The following UBE2H variants were observed in gnomAD, a reference collection of about 807,000 sequenced individuals.
The protein encoded by UBE2H is ubiquitin conjugating enzyme E2 H.
In UBE2H, 3 loss-of-function variants were observed where a neutral mutation model predicts 29.0. The observed-to-expected ratio is 0.10, with a 90% CI of 0.05 to 0.27. The LOEUF is 0.27. Among genes scored for constraint, UBE2H ranks in the 10% least tolerant of loss-of-function variants. The pLI is 1.00. For synonymous variants in UBE2H, 69 were observed against 82.9 expected, an observed-to-expected ratio of 0.83 and a Z score of 0.91; for missense variants, 68 against 228.2, an observed-to-expected ratio of 0.30 and a Z score of 4.52.
intron 1 of UBE2H, among the ~76,000 whole-genome samples, chr7:129,921,484 G>C (rs979282014): frequency 1.3e-5 from 2 of 152,000 alleles, no homozygotes; most frequent in Admixed American, 1.3e-4. Context: ...GATGACTTGA[G>C]GTCAGGCGTT....
intron 1 of UBE2H, among the ~76,000 whole-genome samples, chr7:129,919,949 T>C (rs1464889600): frequency 2.6e-5 from 4 of 152,214 alleles, no homozygotes; most frequent in South Asian, 4.1e-4. Context: ...CATATGTTGC[T>C]GATGGGAATG....
intron 1 of UBE2H, among the ~76,000 whole-genome samples, chr7:129,896,588 A>G (rs1806606533): frequency 6.6e-6 from 1 of 151,930 alleles, no homozygotes; most frequent in African/African-American, 2.4e-5. Flanking sequence ...TATTTTTTGT[A>G]TAGATGAGGT....
In UBE2H at chr7:129,832,758, T is replaced by TC. The variant is rs1805253207; in HGVS notation, c.*2178_*2179insG. On this transcript the variant is annotated 3_prime_UTR_variant, in exon 7 of 7. Transcript: ENST00000355621. ...AATTCTTAACTGGTCATTATTTTTT[T>TC]TTAAGGTAATTAGAACACTATTGTT... 1 of 152,168 alleles carries TC rather than the reference T, an allele frequency of 6.6e-6. No individual in the cohort carries two copies. Among genetic ancestry groups the TC allele is most frequent in the Admixed American group, 6.5e-5 (1 of 15,268 alleles). 9.4% of individuals were successfully genotyped at this position (152,168 alleles called of 1,614,324 possible). A position where few individuals can be genotyped will look rare whatever the true frequency, so the allele number is the denominator to read the frequency against.
At chr7:129,848,164 G>A (rs1210894764) in intron 5 of UBE2H, among the ~76,000 whole-genome samples, 2 of 152,046 alleles carry the variant, frequency 1.3e-5, no homozygotes, top group African/African-American at 2.4e-5. Context: ...TGGAGGCTGC[G>A]GTAAGCCAAG....
chr7:129,914,349 T>TAGA (rs1471101982), intron 1 of UBE2H, among the ~76,000 whole-genome samples: 1 of 151,988 alleles, frequency 6.6e-6, no homozygotes, highest in Middle Eastern at 3.2e-3. Flanking sequence ...TGTATTTTAG[T>TAGA]AGAGATGGGG....
intron 1 of UBE2H, among the ~76,000 whole-genome samples, chr7:129,930,286 G>T (rs1020076468): frequency 6.6e-5 from 10 of 151,878 alleles, no homozygotes; most frequent in African/African-American, 2.4e-5. Flanking sequence ...CTCAGCCTCC[G>T]GAGTAGCTGG....
At chr7:129,904,150 T>G (rs1245418702) in intron 1 of UBE2H, among the ~76,000 whole-genome samples, 1 of 152,190 alleles carries the variant, frequency 6.6e-6, no homozygotes, top group Non-Finnish European at 1.5e-5. Context: ...CTAGATACAC[T>G]GGTCTTCTTT....
At chr7:129,840,129 A>G (rs917813401) in intron 5 of UBE2H, among the ~76,000 whole-genome samples, 10 of 152,350 alleles carry the variant, frequency 6.6e-5, no homozygotes, top group African/African-American at 2.2e-4. Context: ...TATGGACCAC[A>G]TAAGACTACA....
intron 5 of UBE2H, among the ~76,000 whole-genome samples, chr7:129,844,608 A>G (rs1330015839): frequency 6.6e-6 from 1 of 152,190 alleles, no homozygotes; most frequent in East Asian, 1.9e-4. Flanking sequence ...AAACCTGTAG[A>G]GTACAGTCAG....
At chr7:129,868,929 CTCTCTCTTT>C (rs1805971183) in intron 3 of UBE2H, among the ~76,000 whole-genome samples, 1 of 78,142 alleles carries the variant, frequency 1.3e-5, no homozygotes, top group African/African-American at 4.7e-5. Flanking sequence ...GGGTCTCTCT[CTCTCTCTTT>C]TTTTTTTTTT....
chr7:129,922,722 T>C (rs993173955), intron 1 of UBE2H, among the ~76,000 whole-genome samples: 2 of 152,186 alleles, frequency 1.3e-5, no homozygotes, highest in Admixed American at 6.5e-5. Context: ...GGTATACAGA[T>C]ATTTATTTAT....
rs534875605 is a variant in UBE2H at position 129,929,662 on chromosome 7, A to T, written c.53+22841T>A. Among the ~76,000 whole-genome samples the T allele has an allele frequency of 6.6e-4, 100 of 152,338 alleles. 3 individuals are homozygous for T. The South Asian group carries it at 0.02, about 31-fold the overall frequency. The stretch of plus-strand genomic sequence containing the variant: ...CGCCACCAATATTCCTTCTTAGCTA[A>T]ATGTGTATTTACATGGTTTACTGAA... On this transcript the variant is annotated intron_variant, in intron 1 of 6. Transcript: ENST00000355621.
intron 5 of UBE2H, among the ~76,000 whole-genome samples, chr7:129,848,070 C>T (rs992792635): frequency 2.0e-5 from 3 of 152,174 alleles, no homozygotes; most frequent in Non-Finnish European, 2.9e-5. Context: ...AAAACAATCA[C>T]TTAGGTCATT....
chr7:129,890,132 C>G (rs1806445001), intron 1 of UBE2H, among the ~76,000 whole-genome samples: 1 of 151,886 alleles, frequency 6.6e-6, no homozygotes, highest in Admixed American at 6.6e-5. Flanking sequence ...GACCCTGTAG[C>G]TTAAAAACAA....
At chr7:129,938,413 C>CA (rs34454670) in intron 1 of UBE2H, among the ~76,000 whole-genome samples, 20,733 of 37,924 alleles carry the variant, frequency 0.55, 8,617 homozygotes, top group East Asian at 0.66. Flanking sequence ...CTGCCTCATT[C>CA]AAAAAAAAAA....
chr7:129,887,549 C>A (rs2116389422), intron 1 of UBE2H, among the ~76,000 whole-genome samples: 1 of 152,210 alleles, frequency 6.6e-6, no homozygotes, highest in South Asian at 2.1e-4. Context: ...AGGCCCATGC[C>A]TGGCCTCTCT....
chr7:129,869,994 CCTAA>C (rs1805996011), intron 3 of UBE2H, among the ~76,000 whole-genome samples: 1 of 152,254 alleles, frequency 6.6e-6, no homozygotes, highest in African/African-American at 2.4e-5. Flanking sequence ...CCTTTGTTCC[CCTAA>C]CTCTCTCCTC....
chr7:129,873,566 C>T (rs1806086867), intron 3 of UBE2H, among the ~76,000 whole-genome samples: 1 of 151,142 alleles, frequency 6.6e-6, no homozygotes, highest in Admixed American at 6.6e-5. Context: ...TCCCGAGTAG[C>T]TGGAACTAAA....
rs59742626 is a variant in UBE2H, at chr7:129,867,699, TAAAAAA to T, written c.206-8764_206-8759del. 1.8e-3 allele frequency among the ~76,000 whole-genome samples: 54 copies of T among 29,624 alleles called. No homozygotes were observed. In the East Asian group the frequency reaches 0.044, roughly 24 times the overall value. The allele number at this position is 29,624 out of a possible 152,430, so 19.4% of individuals were successfully genotyped here. A position where few individuals can be genotyped will look rare whatever the true frequency, so the allele number is the denominator to read the frequency against. ...ATGTACCCTAAAACTTAGAGTATAA[TAAAAAA>T]AAAAAAAAAAAAGAAAACCAAAAAA... On this transcript the variant is annotated intron_variant, in intron 3 of 6. Coordinates refer to ENST00000355621, the MANE Select transcript of UBE2H (RefSeq NM_003344.4).
Sources: allele counts gnomAD v4.1 joint callset (sites outside exome capture counted in the v4.1 genomes callset), GRCh38; gene constraint gnomAD v4.1.1; transcripts MANE v1.5; gene names NCBI Gene and HGNC (gene_info 2026-07-23, HGNC 2026-07-21).